The following HIVEP1 variants were observed in gnomAD, a reference collection of about 807,000 sequenced individuals.
The protein encoded by HIVEP1 is zinc finger protein 40.
A neutral mutation model predicts 180.0 loss-of-function variants in HIVEP1; 36 were observed. The ratio of observed to expected loss-of-function variants is 0.20; its 90% CI spans 0.15 to 0.26. The LOEUF (loss-of-function observed/expected upper bound fraction) is 0.26, where lower values mean the gene tolerates loss of function less well. Ranked by LOEUF, HIVEP1 falls within the 10% of genes least tolerant of loss-of-function variation. HIVEP1 has a pLI of 1.00. For synonymous variants in HIVEP1, 1,239 were observed against 1,239.0 expected, an observed-to-expected ratio of 1.00 and a Z score of 0.00; for missense variants, 3,143 against 3,268.7, an observed-to-expected ratio of 0.96 and a Z score of 0.94.
At chr6:12,094,182 A>G (rs983040878) in intron 3 of HIVEP1, among the ~76,000 whole-genome samples, 1 of 151,856 alleles carries the variant, frequency 6.6e-6, no homozygotes, top group Non-Finnish European at 1.5e-5. Context: ...AATGCAATAT[A>G]TTTTTGAATA....
chr6:12,150,576 T>G (rs145538440), intron 7 of HIVEP1, among the ~76,000 whole-genome samples: 2 of 152,330 alleles, frequency 1.3e-5, no homozygotes, highest in East Asian at 3.9e-4. Flanking sequence ...TATATTATCA[T>G]CGGGATTTTT....
chr6:12,077,838 GTT>G (rs1287833686), intron 2 of HIVEP1, among the ~76,000 whole-genome samples: 9 of 152,120 alleles, frequency 5.9e-5, no homozygotes, highest in Non-Finnish European at 1.5e-5. Flanking sequence ...TATTTTCACT[GTT>G]TCTTTTCTGC....
the HIVEP1 span, among the ~76,000 whole-genome samples, chr6:12,211,736 G>A: frequency 0.28 from 42,237 of 151,734 alleles, 6,337 homozygotes; most frequent in African/African-American, 0.38. Flanking sequence ...AAATTAGTTT[G>A]GTCCATGGTG....
the HIVEP1 span, among the ~76,000 whole-genome samples, chr6:12,177,690 T>G: frequency 6.6e-6 from 1 of 152,204 alleles, no homozygotes; most frequent in Non-Finnish European, 1.5e-5. Context: ...AAATGTCCCT[T>G]CTTGCTCTGA....
intron 6 of HIVEP1, among the ~76,000 whole-genome samples, chr6:12,131,853 A>G (rs575060480): frequency 1.3e-5 from 2 of 150,648 alleles, no homozygotes; most frequent in East Asian, 3.9e-4. Flanking sequence ...TTGAGTTAAC[A>G]TTTACTTTTT....
In HIVEP1 at chr6:12,163,711, C is replaced by G; in HGVS notation, c.7407C>G (p.Ile2469Met). 1 of 1,614,146 alleles carries G rather than the reference C, an allele frequency of 6.2e-7. No homozygotes were observed. The highest frequency in any genetic ancestry group is 8.5e-7 in the Non-Finnish European group (1 of 1,180,038). The stretch of plus-strand genomic sequence containing the variant: ...GCAGTGTTGTGCCATGTATTCCTAT[C>G]GGCCAAATCCGCGTGCCAGGCCTTC... ...ELSSVVPCIP[I>M]GQIRVPGLQN... Residue 2469 changes from isoleucine to methionine, a missense_variant, in exon 9 of 9, where the codon ATC becomes ATG. Physicochemically the swap from Ile to Met is conservative, Grantham distance 10. Transcript: ENST00000379388.
intron 2 of HIVEP1, among the ~76,000 whole-genome samples, chr6:12,087,492 A>G (rs1156801920): frequency 6.6e-6 from 1 of 152,126 alleles, no homozygotes; most frequent in Admixed American, 6.6e-5. Flanking sequence ...AATTACTGGC[A>G]TAGAAATAAT....
At chr6:12,197,056 G>A in the HIVEP1 span, among the ~76,000 whole-genome samples, 21 of 152,314 alleles carry the variant, frequency 1.4e-4, no homozygotes, top group South Asian at 4.4e-3. Flanking sequence ...GCTAGTAGAG[G>A]CACCATGTGT....
chr6:12,102,434 A>C (rs896658160), intron 3 of HIVEP1, among the ~76,000 whole-genome samples: 3 of 152,182 alleles, frequency 2.0e-5, no homozygotes, highest in African/African-American at 7.2e-5. Flanking sequence ...TAACAGAAAA[A>C]TGTACTGATG....
At position 12,125,241 on chromosome 6, in the gene HIVEP1, G is replaced by T; in HGVS notation, c.5446G>T (p.Asp1816Tyr). Residue 1816 changes from aspartate to tyrosine, a missense_variant, in exon 4 of 9, where the codon GAT becomes TAT. This residue lies in a region of HIVEP1 where 1,357 missense variants were observed against 1,260.5 expected (regional missense o/e 1.08). Coordinates refer to ENST00000379388, the MANE Select transcript of HIVEP1 (RefSeq NM_002114.4). ...EPLDGVMLEKDVFSQPEISNE... is the reference protein window; with the variant it reads ...EPLDGVMLEKYVFSQPEISNE... ...CCTGGACGGTGTGATGTTGGAAAAG[G>T]ATGTTTTTTCTCAACCTGAAATTAG... is the stretch of plus-strand genomic sequence containing the variant. The T allele has an allele frequency of 6.2e-7, 1 of 1,614,136 alleles. No homozygotes were observed. The highest frequency in any genetic ancestry group is 8.5e-7 in the Non-Finnish European group (1 of 1,180,020).
chr6:12,145,885 T>C (rs1048572449), intron 7 of HIVEP1, among the ~76,000 whole-genome samples: 1 of 152,186 alleles, frequency 6.6e-6, no homozygotes, highest in East Asian at 1.9e-4. Context: ...CAGTTGTTTA[T>C]TGAATTACTA....
chr6:12,201,918 C>G, the HIVEP1 span, among the ~76,000 whole-genome samples: 1 of 151,994 alleles, frequency 6.6e-6, no homozygotes, highest in African/African-American at 2.4e-5. Context: ...TTAAAATAAG[C>G]TTTTGCTGAG....
chr6:12,011,382 C>A (rs1392339818), upstream of HIVEP1, among the ~76,000 whole-genome samples: 2 of 145,012 alleles, frequency 1.4e-5, no homozygotes, highest in South Asian at 4.5e-4. Flanking sequence ...AGTAAAGAGA[C>A]GGTAAAGAGA....
chr6:12,121,187 T>C lies in HIVEP1; in HGVS notation c.1392T>C (p.Leu464=), dbSNP rs1757621177. 1.2e-6 allele frequency: 2 copies of C among 1,614,134 alleles called. No homozygotes were observed. Among genetic ancestry groups the C allele is most frequent in the South Asian group, 1.1e-5 (1 of 91,078 alleles). ...KSHAHTIKLG[L]VLQPDAGGLF... ...ACGCACATACTATCAAACTGGGTCT[T>C]GTCTTGCAACCAGATGCTGGTGGCT... Residue 464 remains leucine (L), a synonymous_variant, in exon 4 of 9, where the codon CTT becomes CTC. Coordinates refer to ENST00000379388, the MANE Select transcript of HIVEP1 (RefSeq NM_002114.4). This position sits in a 1 kb window ranked among gnomAD's most constrained non-coding sequence, Gnocchi z 5.3.
intron 2 of HIVEP1, among the ~76,000 whole-genome samples, chr6:12,019,170 G>A (rs556357577): frequency 3.2e-4 from 49 of 152,246 alleles, no homozygotes; most frequent in Admixed American, 7.8e-4. Flanking sequence ...GGGAAGCGGC[G>A]GCTTCTGAGC....
Position 12,122,849 on chromosome 6 carries a change from C to T in HIVEP1, c.3054C>T (p.Ser1018=), listed in dbSNP as rs1173624488. Residue 1018 remains serine (S), a synonymous_variant, in exon 4 of 9, where the codon TCC becomes TCT. Transcript: ENST00000379388. The part of the protein sequence containing the change: ...PQILHYRVAG[S]SGIWEQTPQI... ...TTCTACACTACAGAGTCGCTGGGTC[C>T]TCCGGCATCTGGGAACAGACGCCCC... is the stretch of plus-strand genomic sequence containing the variant. The T allele has an allele frequency of 2.5e-6, 4 of 1,614,146 alleles. No homozygotes were observed. In the East Asian group the frequency reaches 6.7e-5, roughly 27 times the overall value.
At chr6:12,111,209 T>G (rs114889484) in intron 3 of HIVEP1, among the ~76,000 whole-genome samples, 1,722 of 152,316 alleles carry the variant, frequency 0.011, 44 homozygotes, top group African/African-American at 0.039. Context: ...AAAAAATATG[T>G]CACACACCAG....
At position 12,076,657 on chromosome 6, in the gene HIVEP1, T is replaced by C. The variant is rs12528685; in HGVS notation, c.41-12527T>C. Among the ~76,000 whole-genome samples the C allele has an allele frequency of 5.6e-3, 846 of 152,260 alleles. 19 individuals are homozygous for C. Among genetic ancestry groups the C allele is most frequent in the East Asian group, 0.032 (168 of 5,182 alleles). ...CCTGCAGTCCTTTTTTATATCAGCA[T>C]AGGTCCATCATGAGGGTGGAGCCTT... On this transcript the variant is annotated intron_variant, in intron 2 of 8. Transcript: ENST00000379388.
At chr6:12,018,206 A>G (rs1322714164) in intron 2 of HIVEP1, among the ~76,000 whole-genome samples, 2 of 152,236 alleles carry the variant, frequency 1.3e-5, no homozygotes, top group Non-Finnish European at 2.9e-5. Context: ...GCCCACGCCA[A>G]CTGGGAACTC....
Sources: gnomAD v4.1 joint callset for allele counts (sites outside exome capture counted in the v4.1 genomes callset) on GRCh38, gnomAD v4.1.1 for gene constraint, gnomAD v4.1.1 regional missense constraint, Gnocchi (gnomAD v3.1) non-coding constraint, MANE v1.5 for transcripts, NCBI Gene and HGNC (gene_info 2026-07-23, HGNC 2026-07-21) for gene names.